The following POLR3B variants were observed in gnomAD, a reference collection of about 807,000 sequenced individuals.
The protein encoded by POLR3B is DNA-directed RNA polymerase III subunit RPC2.
Under a neutral mutation model 147.4 loss-of-function variants are expected in POLR3B, and 96 were observed. That is an observed-to-expected ratio of 0.65 (90% CI 0.55 to 0.77). The LOEUF (loss-of-function observed/expected upper bound fraction) is 0.77. POLR3B is among the 30% of genes least tolerant of loss of function. The pLI is 0.00. For missense variants in POLR3B, 1,036 were observed against 1,413.5 expected (o/e 0.73, Z 4.28); for synonymous variants, 461 against 485.9 (o/e 0.95, Z 0.67).
At position 106,459,242 on chromosome 12, in the gene POLR3B, T is replaced by C. The variant is rs746907150; in HGVS notation, c.2453-9T>C. ...AACGATGTGCCTAACACTTTTCTTT[T>C]TTTCTCAGGTGAGAAAGTAGAAAAC... On this transcript the variant is annotated splice_polypyrimidine_tract_variant and intron_variant, in intron 21 of 27. Coordinates refer to ENST00000228347, the MANE Select transcript of POLR3B (RefSeq NM_018082.6). The C allele has an allele frequency of 2.9e-5, 43 of 1,471,140 alleles. No homozygotes were observed. The highest frequency in any genetic ancestry group is 3.7e-5 in the Non-Finnish European group (39 of 1,050,080). The allele number at this position is 1,471,140 out of a possible 1,614,324, so 91.1% of individuals were successfully genotyped here. A position where few individuals can be genotyped will look rare whatever the true frequency, so the allele number is the denominator to read the frequency against.
chr12:106,470,791 C>G (rs1486135400), intron 23 of POLR3B, among the ~76,000 whole-genome samples: 1 of 152,120 alleles, frequency 6.6e-6, no homozygotes, highest in Non-Finnish European at 1.5e-5. Flanking sequence ...ATGGAGGCTG[C>G]AGAATAGCAA....
At chr12:106,496,033 C>T in intron 23 of POLR3B, 22 bp from the exon 24 acceptor site, 1 of 1,410,318 alleles carries the variant, frequency 7.1e-7, no homozygotes, top group Non-Finnish European at 1.0e-6. Context: ...CTTTATGTGG[C>T]ATGAAATCTT....
intron 6 of POLR3B, among the ~76,000 whole-genome samples, chr12:106,370,283 T>A (rs1347415440): frequency 6.6e-6 from 1 of 152,188 alleles, no homozygotes; most frequent in East Asian, 1.9e-4. Context: ...TGAACAAACA[T>A]CCATTTGTTC....
intron 15 of POLR3B, 74 bp from the exon 16 acceptor site, chr12:106,433,645 T>C: frequency 8.2e-7 from 1 of 1,220,818 alleles, no homozygotes; most frequent in Non-Finnish European, 1.2e-6. Context: ...TTACTATTTT[T>C]ATTGGTTGGA....
At chr12:106,384,986 C>T (rs955801251) in intron 9 of POLR3B, among the ~76,000 whole-genome samples, 8 of 152,010 alleles carry the variant, frequency 5.3e-5, no homozygotes, top group African/African-American at 1.2e-4. Flanking sequence ...CCACCACGCC[C>T]AGCTAATTTT....
rs532224514 is a variant in POLR3B, at chr12:106,509,647, C to T, written c.*98C>T. On this transcript the variant is annotated 3_prime_UTR_variant, in exon 28 of 28. Transcript: ENST00000228347. Reference sequence around the variant, plus strand: ...CTACGTCTCCTCCTGTGAAGAATTCCCTTGCGTATTCTCTCTCTAAAACAA... The same window carrying T: ...CTACGTCTCCTCCTGTGAAGAATTCTCTTGCGTATTCTCTCTCTAAAACAA... 8.2e-5 allele frequency: 91 copies of T among 1,114,938 alleles called. 5 individuals are homozygous for T. The South Asian group carries it at 1.1e-3, about 14-fold the overall frequency. The allele number at this position is 1,114,938 out of a possible 1,614,324, so 69.1% of individuals were successfully genotyped here. A position where few individuals can be genotyped will look rare whatever the true frequency, so the allele number is the denominator to read the frequency against.
At chr12:106,373,546 G>A (rs759788387) in intron 6 of POLR3B, among the ~76,000 whole-genome samples, 9 of 152,162 alleles carry the variant, frequency 5.9e-5, no homozygotes, top group Non-Finnish European at 8.8e-5. Flanking sequence ...CTGAGGTTGG[G>A]AGTTCGAGAC....
chr12:106,368,131 A>T (rs1283254538), intron 4 of POLR3B, among the ~76,000 whole-genome samples: 1 of 151,558 alleles, frequency 6.6e-6, no homozygotes, highest in Non-Finnish European at 1.5e-5. Context: ...GAGACCCTTC[A>T]GATTGACTCT....
chr12:106,508,625 T>C (rs2038727050), intron 27 of POLR3B, among the ~76,000 whole-genome samples: 1 of 152,214 alleles, frequency 6.6e-6, no homozygotes. Flanking sequence ...TAGCCATTGA[T>C]TAAGAACTAA....
chr12:106,465,450 G>A (rs115369426), intron 23 of POLR3B, among the ~76,000 whole-genome samples: 7,688 of 150,062 alleles, frequency 0.051, 636 homozygotes, highest in African/African-American at 0.18. Context: ...GCTATGCAAT[G>A]TGCTCTAATT....
chr12:106,480,349 C>G (rs1349657275), intron 23 of POLR3B, among the ~76,000 whole-genome samples: 2 of 152,124 alleles, frequency 1.3e-5, no homozygotes, highest in Non-Finnish European at 2.9e-5. Flanking sequence ...GCTGGGTGGT[C>G]AGGTAGTGAA....
intron 24 of POLR3B, chr12:106,496,458 G>T: frequency 3.3e-6 from 2 of 597,760 alleles, no homozygotes; most frequent in Non-Finnish European, 5.9e-6. Flanking sequence ...CCCTTTCAGT[G>T]ATTATTTTTA....
intron 2 of POLR3B, among the ~76,000 whole-genome samples, chr12:106,365,130 G>A (rs922448436): frequency 4.6e-5 from 7 of 151,950 alleles, no homozygotes; most frequent in Admixed American, 2.0e-4. Context: ...GTGAGATTCC[G>A]TCTCAAAAAA....
At chr12:106,476,753 T>C (rs2038176876) in intron 23 of POLR3B, among the ~76,000 whole-genome samples, 2 of 152,078 alleles carry the variant, frequency 1.3e-5, no homozygotes, top group African/African-American at 4.8e-5. Flanking sequence ...TTGGTTATTG[T>C]AGTTATACAT....
chr12:106,492,165 T>C (rs1403768222), intron 23 of POLR3B, among the ~76,000 whole-genome samples: 4 of 152,108 alleles, frequency 2.6e-5, no homozygotes, highest in Non-Finnish European at 5.9e-5. Flanking sequence ...TTTCTTACCT[T>C]TTTTTTTCCT....
chr12:106,430,036 G>A (rs979578955), intron 13 of POLR3B, among the ~76,000 whole-genome samples: 21 of 152,136 alleles, frequency 1.4e-4, no homozygotes, highest in African/African-American at 4.1e-4. Flanking sequence ...GTTATGCGTC[G>A]AATAATTCTG....
chr12:106,434,013 C>T lies in POLR3B; in HGVS notation c.1781+141C>T, dbSNP rs2037543881. ...AATTTAATTCCGTGAGCAAACACTT[C>T]ATGAATATGCATATTAGGTACCGAG... On this transcript the variant is annotated intron_variant, in intron 16 of 27. Coordinates refer to ENST00000228347, the MANE Select transcript of POLR3B (RefSeq NM_018082.6). 7.3e-6 allele frequency: 5 copies of T among 687,816 alleles called. No homozygotes were observed. In the Admixed American group the frequency reaches 1.2e-4, roughly 17 times the overall value. The allele number at this position is 687,816 out of a possible 1,614,324, so 42.6% of individuals were successfully genotyped here.
intron 1 of POLR3B, among the ~76,000 whole-genome samples, chr12:106,359,828 T>C (rs1343692289): frequency 6.6e-6 from 1 of 152,206 alleles, no homozygotes; most frequent in Non-Finnish European, 1.5e-5. Flanking sequence ...AGCCTGGTAG[T>C]GGCTAATCTG....
intron 11 of POLR3B, among the ~76,000 whole-genome samples, chr12:106,407,866 A>C (rs966058510): frequency 1.3e-5 from 2 of 152,188 alleles, no homozygotes; most frequent in African/African-American, 4.8e-5. Context: ...CTGTGGTTGC[A>C]TGGAACCTAA....
Sources: allele counts gnomAD v4.1 joint callset (sites outside exome capture counted in the v4.1 genomes callset), GRCh38; gene constraint gnomAD v4.1.1; transcripts MANE v1.5; gene names NCBI Gene and HGNC (gene_info 2026-07-23, HGNC 2026-07-21).